SIPA1L1: variants seen among roughly 807,000 people sequenced by gnomAD.
The protein encoded by SIPA1L1 is signal induced proliferation associated 1 like 1.
A neutral mutation model predicts 162.7 loss-of-function variants in SIPA1L1; 26 were observed. The ratio of observed to expected loss-of-function variants is 0.16; its 90% CI spans 0.12 to 0.22. The LOEUF (loss-of-function observed/expected upper bound fraction) is 0.22, where lower values mean the gene tolerates loss of function less well. SIPA1L1 is among the 10% of genes least tolerant of loss of function. The probability of loss-of-function intolerance (pLI) is 1.00; values close to 1 mark genes in which losing one functional copy is unlikely to be tolerated. For missense variants in SIPA1L1, 1,874 were observed against 2,241.0 expected (o/e 0.84, Z 3.31); for synonymous variants, 829 against 837.4 (o/e 0.99, Z 0.17).
intron 5 of SIPA1L1, among the ~76,000 whole-genome samples, chr14:71,599,541 G>A (rs1245191361): frequency 1.3e-5 from 2 of 150,766 alleles, no homozygotes; most frequent in Non-Finnish European, 2.9e-5. Flanking sequence ...TTCATTGATG[G>A]ACATGTAGGT....
chr14:71,346,780 CCAT>C (rs1460350081), intron 2 of SIPA1L1, among the ~76,000 whole-genome samples: 1 of 152,142 alleles, frequency 6.6e-6, no homozygotes, highest in East Asian at 1.9e-4. Flanking sequence ...CTGTGTGTAA[CCAT>C]CACAACAATT....
chr14:71,414,750 G>A (rs947410326), intron 2 of SIPA1L1, among the ~76,000 whole-genome samples: 1 of 152,106 alleles, frequency 6.6e-6, no homozygotes, highest in Non-Finnish European at 1.5e-5. Flanking sequence ...TATAGTTTGG[G>A]GTGCCAGGCT....
intron 2 of SIPA1L1, among the ~76,000 whole-genome samples, chr14:71,429,184 T>A (rs916458779): frequency 3.3e-5 from 5 of 152,156 alleles, no homozygotes; most frequent in African/African-American, 1.2e-4. Context: ...TGTGGGACAT[T>A]TTTTCAAGAT....
rs2039583035 is a variant in SIPA1L1 at position 71,378,126 on chromosome 14, C to CT, written c.-465+56946dup. ...TTTTGTCTTTTTTTTTTTGATCACT[C>CT]TAACTAAAAGTGTGTCGGTTTTGTT... On this transcript the variant is annotated intron_variant, in intron 2 of 23. Transcript: ENST00000381232. 2.6e-5 allele frequency among the ~76,000 whole-genome samples: 4 copies of CT among 151,290 alleles called. 1 individual carries two copies. In the South Asian group the frequency reaches 8.3e-4, roughly 32 times the overall value.
intron 2 of SIPA1L1, among the ~76,000 whole-genome samples, chr14:71,332,810 GT>G (rs1200850137): frequency 5.9e-5 from 9 of 152,084 alleles, no homozygotes; most frequent in Non-Finnish European, 7.4e-5. Context: ...AATAATCCTT[GT>G]AAAAGGGAGA....
chr14:71,417,150 GTATGT>G (rs996412212), intron 2 of SIPA1L1, among the ~76,000 whole-genome samples: 12 of 151,986 alleles, frequency 7.9e-5, no homozygotes, highest in East Asian at 1.9e-4. Flanking sequence ...CATGCATTTT[GTATGT>G]TATATGTATT....
chr14:71,708,482 G>A (rs2082642539), intron 16 of SIPA1L1, among the ~76,000 whole-genome samples: 1 of 151,916 alleles, frequency 6.6e-6, no homozygotes, highest in Admixed American at 6.6e-5. Flanking sequence ...GCACCACCAT[G>A]CCTGGCTAAT....
chr14:71,471,540 G>A (rs964436341), intron 2 of SIPA1L1, among the ~76,000 whole-genome samples: 6 of 152,172 alleles, frequency 3.9e-5, no homozygotes, highest in Non-Finnish European at 5.9e-5. Context: ...GCACATCCTC[G>A]AACAAGACAG....
At chr14:71,461,984 A>G (rs555261450) in intron 2 of SIPA1L1, among the ~76,000 whole-genome samples, 1 of 152,302 alleles carries the variant, frequency 6.6e-6, no homozygotes, top group East Asian at 1.9e-4. Context: ...CCACTTCCTC[A>G]TGTAACTTAC....
chr14:71,461,938 G>A (rs1445165522), intron 2 of SIPA1L1, among the ~76,000 whole-genome samples: 2 of 152,196 alleles, frequency 1.3e-5, no homozygotes, highest in African/African-American at 2.4e-5. Context: ...GGGAGAGAAG[G>A]CAGGGTGGCA....
At chr14:71,348,041 G>C (rs559289689) in intron 2 of SIPA1L1, among the ~76,000 whole-genome samples, 1 of 152,308 alleles carries the variant, frequency 6.6e-6, no homozygotes, top group East Asian at 1.9e-4. Flanking sequence ...ATTTTAGACA[G>C]AGTATACCTA....
At chr14:71,675,698 G>C (rs1392490448) in intron 12 of SIPA1L1, among the ~76,000 whole-genome samples, 1 of 151,940 alleles carries the variant, frequency 6.6e-6, no homozygotes, top group African/African-American at 2.4e-5. Context: ...TGTCAGCTGG[G>C]ACTTCACCAC....
At chr14:71,379,047 G>C (rs1043499341) in intron 2 of SIPA1L1, among the ~76,000 whole-genome samples, 1 of 152,050 alleles carries the variant, frequency 6.6e-6, no homozygotes, top group Admixed American at 6.6e-5. Flanking sequence ...TTTCTTAGCC[G>C]TTCTGAAGTT....
intron 12 of SIPA1L1, 139 bp from the exon 13 acceptor site, chr14:71,685,223 G>T (rs2046184683): frequency 5.4e-6 from 5 of 917,568 alleles, no homozygotes; most frequent in Admixed American, 4.4e-5. Flanking sequence ...AAGTACTAGG[G>T]CCCAAAGATT....
At chr14:71,495,412 T>C (rs930041535) in intron 2 of SIPA1L1, among the ~76,000 whole-genome samples, 1 of 151,330 alleles carries the variant, frequency 6.6e-6, no homozygotes, top group Non-Finnish European at 1.5e-5. Flanking sequence ...CATACTGTTT[T>C]TATATTTTCT....
chr14:71,359,023 A>G (rs1278497444), intron 2 of SIPA1L1, among the ~76,000 whole-genome samples: 1 of 152,124 alleles, frequency 6.6e-6, no homozygotes, highest in Admixed American at 6.5e-5. Flanking sequence ...GATCTAAACC[A>G]TATCAAGCAT....
intron 4 of SIPA1L1, among the ~76,000 whole-genome samples, chr14:71,544,313 CATAT>C: frequency 6.7e-6 from 1 of 149,422 alleles, no homozygotes; most frequent in Non-Finnish European, 1.5e-5. Flanking sequence ...TGTGTATATA[CATAT>C]ATGTATATAC....
At chr14:71,603,941 CTA>C (rs907730607) in intron 5 of SIPA1L1, among the ~76,000 whole-genome samples, 45 of 138,060 alleles carry the variant, frequency 3.3e-4, no homozygotes, top group African/African-American at 1.1e-3. Context: ...ATTTATATAT[CTA>C]TATATATTTA....
At chr14:71,584,222 G>A (rs2034305207) in intron 4 of SIPA1L1, among the ~76,000 whole-genome samples, 1 of 152,176 alleles carries the variant, frequency 6.6e-6, no homozygotes, top group African/African-American at 2.4e-5. Flanking sequence ...CCAGAAAAGA[G>A]AGGTTCAGGA....
Sources: allele counts gnomAD v4.1 joint callset (sites outside exome capture counted in the v4.1 genomes callset), GRCh38; gene constraint gnomAD v4.1.1; transcripts MANE v1.5; gene names NCBI Gene and HGNC (gene_info 2026-07-23, HGNC 2026-07-21).